Variants in MTCL1 observed in about 807,000 individuals in gnomAD.
MTCL1 encodes the protein microtubule crosslinking factor 1, also known as microtubule cross-linking factor 1.
In MTCL1, 79 loss-of-function variants were observed where a neutral mutation model predicts 141.4. That is an observed-to-expected ratio of 0.56 (90% CI 0.47 to 0.67). The LOEUF (loss-of-function observed/expected upper bound fraction) is 0.67. Among genes scored for constraint, MTCL1 ranks in the 30% least tolerant of loss-of-function variants. The probability of loss-of-function intolerance (pLI) is 0.00; values close to 1 mark genes in which losing one functional copy is unlikely to be tolerated. For synonymous variants in MTCL1, 914 were observed against 875.8 expected (o/e 1.04, Z -0.77); for missense variants, 2,177 against 2,113.9 (o/e 1.03, Z -0.59).
chr18:8,765,156 T>G (rs1350078217), intron 4 of MTCL1, among the ~76,000 whole-genome samples: 1 of 152,208 alleles, frequency 6.6e-6, no homozygotes, highest in Non-Finnish European at 1.5e-5. Context: ...AAGTGGCTCC[T>G]TCTCTGAACA....
intron 14 of MTCL1, 130 bp from the exon 14 acceptor site, chr18:8,824,569 C>T (rs2076952403): frequency 4.3e-6 from 3 of 701,908 alleles, no homozygotes; most frequent in Non-Finnish European, 7.1e-6. Flanking sequence ...GAGCAGCTGA[C>T]AGTGTTCTCC....
At chr18:8,706,483 G>C in exon 1 of MTCL1, 1 of 1,266,564 alleles carries the variant, frequency 7.9e-7, no homozygotes. Context: ...CGCGCCCCTC[G>C]CCGCGGGCGC....
chr18:8,719,549 T>A (rs528773802), intron 3 of MTCL1, among the ~76,000 whole-genome samples: 1 of 152,214 alleles, frequency 6.6e-6, no homozygotes, highest in Non-Finnish European at 1.5e-5. Context: ...GAACATCTTA[T>A]GCATAGAGAA....
intron 5 of MTCL1, chr18:8,782,196 G>T (rs919727071): frequency 1.3e-5 from 2 of 152,186 alleles, no homozygotes; most frequent in African/African-American, 4.8e-5. Context: ...ATTCTCCCCC[G>T]GGGGCTGACT....
At chr18:8,718,034 G>T in intron 2 of MTCL1, 1 of 951,954 alleles carries the variant, frequency 1.1e-6, no homozygotes, top group South Asian at 4.1e-5. Context: ...GGCAGGGTCC[G>T]TATGATTCAT....
At chr18:8,786,113 C>CG in intron 7 of MTCL1, 22 bp downstream of exon 6, 33 of 1,383,462 alleles carry the variant, frequency 2.4e-5, no homozygotes, top group Non-Finnish European at 3.0e-5. Flanking sequence ...CAAGCAATCC[C>CG]CCCCCCCCGC....
chr18:8,737,810 A>G (rs560276677), intron 4 of MTCL1, among the ~76,000 whole-genome samples: 3 of 152,266 alleles, frequency 2.0e-5, no homozygotes, highest in East Asian at 1.9e-4. Flanking sequence ...AGAATCTGCT[A>G]CTAAACCAAG....
chr18:8,810,959 A>G lies in MTCL1; in HGVS notation c.2605-2020A>G, dbSNP rs941787790. The stretch of plus-strand genomic sequence containing the variant: ...GCTTAATGAAGCATTTGCCTTTATT[A>G]CAGAGGCGAGATTCGATGTTAGCTC... On this transcript the variant is annotated intron_variant, in intron 11 of 16. Transcript: ENST00000359865. This position sits in a 1 kb window ranked among gnomAD's most constrained non-coding sequence, Gnocchi z 5.0. Among the ~76,000 whole-genome samples, 2 of 152,130 alleles carry G rather than the reference A, an allele frequency of 1.3e-5. No homozygotes were observed. The highest frequency in any genetic ancestry group is 2.9e-5 in the Non-Finnish European group (2 of 68,030).
At chr18:8,722,124 T>G (rs1336387327) in intron 4 of MTCL1, among the ~76,000 whole-genome samples, 1 of 139,306 alleles carries the variant, frequency 7.2e-6, no homozygotes, top group Non-Finnish European at 1.6e-5. Flanking sequence ...TTGCTGGTAC[T>G]TTACTTCCCT....
intron 4 of MTCL1, among the ~76,000 whole-genome samples, chr18:8,725,776 C>CTT (rs1220187127): frequency 4.5e-4 from 50 of 110,978 alleles, no homozygotes; most frequent in African/African-American, 9.2e-4. Flanking sequence ...GTGCCATTTT[C>CTT]TTTTTTTTTT....
At chr18:8,767,329 G>T (rs72936071) in intron 4 of MTCL1, among the ~76,000 whole-genome samples, 4,197 of 152,298 alleles carry the variant, frequency 0.028, 85 homozygotes, top group Non-Finnish European at 0.04. Flanking sequence ...TTTAGTAGAT[G>T]ATTTATGGAA....
At chr18:8,802,665 AG>A (rs2076160764) in intron 10 of MTCL1, among the ~76,000 whole-genome samples, 1 of 152,254 alleles carries the variant, frequency 6.6e-6, no homozygotes, top group Non-Finnish European at 1.5e-5. Flanking sequence ...CCTGTTAAAA[AG>A]TTTGACATAT....
intron 6 of MTCL1, 56 bp from the exon 6 acceptor site, chr18:8,785,876 GTTTT>G: frequency 1.3e-6 from 2 of 1,516,036 alleles, no homozygotes; most frequent in South Asian, 2.6e-5. Flanking sequence ...TTGTTTGTTT[GTTTT>G]TTTGTTTAAA....
At chr18:8,756,473 G>A (rs1314213065) in intron 4 of MTCL1, among the ~76,000 whole-genome samples, 2 of 147,938 alleles carry the variant, frequency 1.4e-5, no homozygotes, top group African/African-American at 2.5e-5. Context: ...GTGTATATGT[G>A]TGTATATGTG....
At chr18:8,747,813 G>A (rs1222972670) in intron 4 of MTCL1, among the ~76,000 whole-genome samples, 1 of 152,184 alleles carries the variant, frequency 6.6e-6, no homozygotes, top group East Asian at 1.9e-4. Context: ...CAGTGGGCTC[G>A]CATTTTCTGT....
Position 8,822,504 on chromosome 18 carries a change from T to C in MTCL1, c.3188+1006T>C, listed in dbSNP as rs1436634160. Among the ~76,000 whole-genome samples, 1 of 152,138 alleles carries C rather than the reference T, an allele frequency of 6.6e-6. No homozygotes were observed. Among genetic ancestry groups the C allele is most frequent in the Non-Finnish European group, 1.5e-5 (1 of 68,028 alleles). On this transcript the variant is annotated intron_variant, in intron 14 of 16. Coordinates refer to ENST00000359865, the Ensembl canonical transcript of MTCL1. This position sits in a 1 kb window ranked among gnomAD's most constrained non-coding sequence, Gnocchi z 4.6. ...CAGAGTTTCGCCATGTTGGCCAGGC[T>C]GGTCTCGAATTCCTGACCTCAGGTG...
chr18:8,829,695 T>C, intron 16 of MTCL1: 2 of 985,206 alleles, frequency 2.0e-6, no homozygotes, highest in South Asian at 4.7e-5. Context: ...TGTTGTCAAA[T>C]ACAACAGATG....
chr18:8,721,059 C>G (rs990850131), intron 4 of MTCL1, among the ~76,000 whole-genome samples: 1 of 152,190 alleles, frequency 6.6e-6, no homozygotes, highest in Non-Finnish European at 1.5e-5. Flanking sequence ...AGTGATTTTT[C>G]TAGCAAAGTA....
At chr18:8,745,919 C>G (rs908287999) in intron 4 of MTCL1, among the ~76,000 whole-genome samples, 2 of 152,174 alleles carry the variant, frequency 1.3e-5, no homozygotes, top group African/African-American at 4.8e-5. Context: ...CCCCTGGCAA[C>G]CACCATTCTA....
Sources: allele counts gnomAD v4.1 joint callset (sites outside exome capture counted in the v4.1 genomes callset), GRCh38; gene constraint gnomAD v4.1.1; non-coding constraint Gnocchi (gnomAD v3.1); transcripts MANE v1.5; gene names NCBI Gene and HGNC (gene_info 2026-07-23, HGNC 2026-07-21).